The following SEMA7A variants were observed in gnomAD, a reference collection of about 807,000 sequenced individuals.
SEMA7A encodes the protein semaphorin 7A (JohnMiltonHagen blood group).
SEMA7A carries 21 observed loss-of-function variants against 67.5 expected under a neutral mutation model. The ratio of observed to expected loss-of-function variants is 0.31; its 90% CI spans 0.22 to 0.45. SEMA7A has a LOEUF of 0.45. Among genes scored for constraint, SEMA7A ranks in the 20% least tolerant of loss-of-function variants. The pLI is 1.00. For missense variants in SEMA7A, 774 were observed against 908.6 expected, an observed-to-expected ratio of 0.85 and a Z score of 1.90; for synonymous variants, 364 against 368.5, an observed-to-expected ratio of 0.99 and a Z score of 0.14.
chr15:74,415,240 C>T (rs1358289969), intron 8 of SEMA7A, among the ~76,000 whole-genome samples: 1 of 152,174 alleles, frequency 6.6e-6, no homozygotes, highest in African/African-American at 2.4e-5. Context: ...TCCCTGGGCA[C>T]AGGCTGTGGG....
chr15:74,432,154 G>T (rs1165303510), intron 1 of SEMA7A, among the ~76,000 whole-genome samples: 2 of 152,022 alleles, frequency 1.3e-5, no homozygotes, highest in Non-Finnish European at 2.9e-5. Context: ...AAATGCAAGG[G>T]GTTTGATGGA....
chr15:74,424,218 G>A (rs1420326749), intron 1 of SEMA7A, among the ~76,000 whole-genome samples: 1 of 152,124 alleles, frequency 6.6e-6, no homozygotes, highest in Non-Finnish European at 1.5e-5. Flanking sequence ...GATTGGGGCT[G>A]GGCCTTCCTG....
intron 10 of SEMA7A, 127 bp from the exon 11 acceptor site, chr15:74,412,139 G>A (rs978319800): frequency 1.8e-6 from 2 of 1,118,372 alleles, no homozygotes; most frequent in Non-Finnish European, 1.3e-6. Flanking sequence ...TGTGGGCAGG[G>A]CGAGGAGAGC....
intron 7 of SEMA7A, among the ~76,000 whole-genome samples, chr15:74,416,201 C>T (rs370037703): frequency 6.6e-6 from 1 of 152,106 alleles, no homozygotes; most frequent in African/African-American, 2.4e-5. Flanking sequence ...CCAGGGCCAG[C>T]AGTGCCCAGG....
chr15:74,420,282 G>A (rs1471594674), intron 1 of SEMA7A, among the ~76,000 whole-genome samples: 1 of 152,150 alleles, frequency 6.6e-6, no homozygotes, highest in Admixed American at 6.5e-5. Flanking sequence ...GGTCACCCCC[G>A]GAAGTGAGCA....
chr15:74,427,666 C>G (rs2061054396), intron 1 of SEMA7A, among the ~76,000 whole-genome samples: 1 of 152,176 alleles, frequency 6.6e-6, no homozygotes, highest in Admixed American at 6.5e-5. Context: ...ACTCTGCCCC[C>G]ACCCTATGCT....
chr15:74,425,374 C>T (rs1423624178), intron 1 of SEMA7A, among the ~76,000 whole-genome samples: 4 of 152,168 alleles, frequency 2.6e-5, no homozygotes, highest in South Asian at 4.1e-4. Flanking sequence ...GAGTAACTTA[C>T]CCAGCATTAC....
Position 74,423,206 on chromosome 15 carries a change from AGT to A in SEMA7A, c.179-4256_179-4255del, listed in dbSNP as rs2061015304. Among the ~76,000 whole-genome samples the A allele has an allele frequency of 6.6e-6, 1 of 152,186 alleles. No individual in the cohort carries two copies. The highest frequency in any genetic ancestry group is 6.5e-5 in the Admixed American group (1 of 15,278). ...ACATCTGGCAGGAGCGTCCTCCCACAGTTGTGCCCCCACCCCTGCACTGCCAG... is the reference window on the plus strand; with the variant it reads ...ACATCTGGCAGGAGCGTCCTCCCACATGTGCCCCCACCCCTGCACTGCCAG... On this transcript the variant is annotated intron_variant, in intron 1 of 13. Coordinates refer to ENST00000261918, the MANE Select transcript of SEMA7A (RefSeq NM_003612.5). The surrounding 1 kb of genome is among the most constrained non-coding windows in gnomAD (Gnocchi z 4.1).
intron 1 of SEMA7A, among the ~76,000 whole-genome samples, chr15:74,430,703 A>AC (rs2061081104): frequency 6.6e-6 from 1 of 152,148 alleles, no homozygotes; most frequent in African/African-American, 2.4e-5. Flanking sequence ...TTGCCCCCCC[A>AC]CCATGAGACT....
At position 74,411,171 on chromosome 15, in the gene SEMA7A, G is replaced by C; in HGVS notation, c.1639+124C>G. On this transcript the variant is annotated intron_variant, in intron 13 of 13. Coordinates refer to ENST00000261918, the MANE Select transcript of SEMA7A (RefSeq NM_003612.5). This position sits in a 1 kb window ranked among gnomAD's most constrained non-coding sequence, Gnocchi z 4.4. ...CCAAGAGGGCTCCCTCTGCAGGACTGTATCCTGCCCCATGTACCTGGGGCC... is the reference window on the plus strand; with the variant it reads ...CCAAGAGGGCTCCCTCTGCAGGACTCTATCCTGCCCCATGTACCTGGGGCC... 1 of 1,312,330 alleles carries C rather than the reference G, an allele frequency of 7.6e-7. No individual in the cohort carries two copies. 81.3% of individuals were successfully genotyped at this position (1,312,330 alleles called of 1,614,324 possible).
Position 74,414,992 on chromosome 15 carries a change from C to A in SEMA7A, c.987-46G>T. 1 of 1,499,610 alleles carries A rather than the reference C, an allele frequency of 6.7e-7. No individual in the cohort carries two copies. The allele number at this position is 1,499,610 out of a possible 1,614,324, so 92.9% of individuals were successfully genotyped here. ...GCTCAATGGGGGGCCCAGAACCCAC[C>A]CATCCACCTCCACTCACCCAGGCCA... On this transcript the variant is annotated intron_variant, in intron 8 of 13. Coordinates refer to ENST00000261918, the MANE Select transcript of SEMA7A (RefSeq NM_003612.5). The surrounding 1 kb of genome is among the most constrained non-coding windows in gnomAD (Gnocchi z 4.1).
rs561843703 is a variant in SEMA7A at position 74,417,450 on chromosome 15, G to C, written c.551-5C>G. Reference sequence around the variant, plus strand: ...TGGTGGAATACACCTCGTCCCCTGGGGTCAGTGGGAGGGAGAAATGAGTAA... The same window carrying C: ...TGGTGGAATACACCTCGTCCCCTGGCGTCAGTGGGAGGGAGAAATGAGTAA... On this transcript the variant is annotated splice_region_variant and splice_polypyrimidine_tract_variant and intron_variant, in intron 5 of 13. Transcript: ENST00000261918. The C allele has an allele frequency of 6.2e-6, 10 of 1,611,872 alleles. No individual in the cohort carries two copies. The African/African-American group carries it at 1.2e-4, about 19-fold the overall frequency.
In SEMA7A at chr15:74,433,873, C is replaced by A. The variant is rs760766009; in HGVS notation, c.46G>T (p.Ala16Ser). 3.1e-6 allele frequency: 4 copies of A among 1,276,338 alleles called. No individual in the cohort carries two copies. The South Asian group carries it at 1.1e-4, about 37-fold the overall frequency. The allele number at this position is 1,276,338 out of a possible 1,614,324, so 79.1% of individuals were successfully genotyped here. The stretch of plus-strand genomic sequence containing the variant: ...CGAGCCGGCGGGCCAGGGACGCGGG[C>A]GCGCGGTGCGCTGGGGGCGGCACGT... Reference protein sequence around the residue: ...PGRAAPSAPRARVPGPPARLG... With the variant: ...PGRAAPSAPRSRVPGPPARLG... The change falls in exon 1 of 14, where the codon GCC (alanine) becomes TCC (serine). Residue 16 changes from alanine to serine, a missense_variant. Around this residue, in one of 2 missense-constraint regions of SEMA7A, gnomAD observed 347 missense variants for 353.2 expected, o/e 0.98. Transcript: ENST00000261918.
chr15:74,426,344 A>T (rs972875818), intron 1 of SEMA7A, among the ~76,000 whole-genome samples: 1 of 152,162 alleles, frequency 6.6e-6, no homozygotes, highest in Non-Finnish European at 1.5e-5. Flanking sequence ...GACCCCATAA[A>T]GATGCTGGCC....
At chr15:74,417,214 G>A (rs2060957898) in intron 6 of SEMA7A, 121 bp downstream of exon 6, 1 of 778,812 alleles carries the variant, frequency 1.3e-6, no homozygotes, top group Non-Finnish European at 2.2e-6. Context: ...CCAAGGTCCT[G>A]CTTTCCTGCA....
At chr15:74,424,709 A>G (rs1434445868) in intron 1 of SEMA7A, among the ~76,000 whole-genome samples, 1 of 152,182 alleles carries the variant, frequency 6.6e-6, no homozygotes, top group African/African-American at 2.4e-5. Flanking sequence ...AGCAGGATTC[A>G]GGGACTCAGG....
At chr15:74,428,877 C>T (rs28362871) in intron 1 of SEMA7A, among the ~76,000 whole-genome samples, 169 of 152,336 alleles carry the variant, frequency 1.1e-3, no homozygotes, top group African/African-American at 3.7e-3. Flanking sequence ...TCCCTCAAGG[C>T]CTGGCTGGCT....
At chr15:74,429,188 A>C (rs944828629) in intron 1 of SEMA7A, among the ~76,000 whole-genome samples, 3 of 152,248 alleles carry the variant, frequency 2.0e-5, no homozygotes, top group Admixed American at 6.5e-5. Context: ...CGACCAAAGC[A>C]GGGGAAGTGC....
Position 74,411,014 on chromosome 15 carries a change from A to G in SEMA7A, c.1640-29T>C. 6.3e-7 allele frequency: 1 copy of G among 1,596,062 alleles called. No individual in the cohort carries two copies. Among genetic ancestry groups the G allele is most frequent in the Non-Finnish European group, 8.5e-7 (1 of 1,171,186 alleles). ...GGGAGGCAGTGGGGAAGCAGCCGTG[A>G]GGAGGGACAAAGAGCTCCCAGGGGA... On this transcript the variant is annotated intron_variant, in intron 13 of 13. Transcript: ENST00000261918. This position sits in a 1 kb window ranked among gnomAD's most constrained non-coding sequence, Gnocchi z 4.4.
Sources: gnomAD v4.1 joint callset for allele counts (sites outside exome capture counted in the v4.1 genomes callset) on GRCh38, gnomAD v4.1.1 for gene constraint, gnomAD v4.1.1 regional missense constraint, Gnocchi (gnomAD v3.1) non-coding constraint, MANE v1.5 for transcripts, NCBI Gene and HGNC (gene_info 2026-07-23, HGNC 2026-07-21) for gene names.